The following ZFAND6 variants were observed in gnomAD, a reference collection of about 807,000 sequenced individuals.
The protein encoded by ZFAND6 is zinc finger AN1-type containing 6.
A neutral mutation model predicts 24.5 loss-of-function variants in ZFAND6; 12 were observed. The ratio of observed to expected loss-of-function variants is 0.49; its 90% confidence interval spans 0.31 to 0.79. The LOEUF is 0.79. Ranked by LOEUF, ZFAND6 falls within the 30% of genes least tolerant of loss-of-function variation. ZFAND6 has a pLI of 0.04. For synonymous variants in ZFAND6, 92 were observed against 81.5 expected (o/e 1.13, Z -0.69); for missense variants, 207 against 245.9 (o/e 0.84, Z 1.06).
At chr15:80,136,351 G>A (rs956641635) in intron 6 of ZFAND6, among the ~76,000 whole-genome samples, 13 of 151,986 alleles carry the variant, frequency 8.6e-5, no homozygotes, top group African/African-American at 2.4e-4. Flanking sequence ...TGTAATCCCA[G>A]CTACTCGGGA....
chr15:80,063,245 G>A (rs1038293877), intron 1 of ZFAND6, among the ~76,000 whole-genome samples: 19 of 152,168 alleles, frequency 1.2e-4, no homozygotes, highest in African/African-American at 3.1e-4. Context: ...GTGAAAATAC[G>A]TTTTATGTAA....
chr15:80,066,381 T>G (rs1394443633), intron 1 of ZFAND6, among the ~76,000 whole-genome samples: 1 of 151,752 alleles, frequency 6.6e-6, no homozygotes, highest in Non-Finnish European at 1.5e-5. Flanking sequence ...GGTGTGGTCT[T>G]GGCTCGCTGC....
chr15:80,121,997 C>T (rs888938870), intron 4 of ZFAND6, among the ~76,000 whole-genome samples, 177 bp downstream of exon 4: 1 of 152,072 alleles, frequency 6.6e-6, no homozygotes, highest in Non-Finnish European at 1.5e-5. Context: ...CTTGAGGGAT[C>T]GGGGGTTATC....
chr15:80,061,931 C>T (rs976073553), intron 1 of ZFAND6, among the ~76,000 whole-genome samples: 1 of 152,046 alleles, frequency 6.6e-6, no homozygotes, highest in African/African-American at 2.4e-5. Context: ...GATTCATAGC[C>T]GTAGTGATTG....
chr15:80,135,498 G>A (rs1356124303), intron 6 of ZFAND6, among the ~76,000 whole-genome samples: 2 of 152,242 alleles, frequency 1.3e-5, no homozygotes, highest in Non-Finnish European at 2.9e-5. Context: ...CCATGTGCCA[G>A]GCACTGTGCT....
chr15:80,111,492 A>T (rs1217104413), intron 2 of ZFAND6: 1 of 455,872 alleles, frequency 2.2e-6, no homozygotes, highest in Admixed American at 2.4e-5. Context: ...TAGCCACCTA[A>T]GATAGGAATG....
intron 1 of ZFAND6, among the ~76,000 whole-genome samples, chr15:80,089,734 G>T (rs1325848006): frequency 1.3e-5 from 2 of 152,088 alleles, no homozygotes; most frequent in African/African-American, 4.8e-5. Flanking sequence ...TTTCCACCCA[G>T]TCCGTTTTAG....
chr15:80,117,369 C>T (rs1208464154), intron 2 of ZFAND6, among the ~76,000 whole-genome samples: 1 of 152,092 alleles, frequency 6.6e-6, no homozygotes, highest in Non-Finnish European at 1.5e-5. Context: ...ATTACAGGCT[C>T]CTGCCGCTAT....
intron 1 of ZFAND6, chr15:80,073,379 C>T (rs776973900): frequency 3.6e-6 from 1 of 275,582 alleles, no homozygotes; most frequent in South Asian, 3.0e-5. Context: ...ATTTACATTT[C>T]TTATTTATGA....
At position 80,122,797 on chromosome 15, in the gene ZFAND6, C is replaced by A; in HGVS notation, c.361C>A (p.Gln121Lys). ...DKAVPETEDVQASVSDTAQQP... is the reference protein window; with the variant it reads ...DKAVPETEDVKASVSDTAQQP... ...AGCAGTACCTGAAACAGAAGATGTGCAGGGTTTGTATATGAACTAGCATGT... is the reference window on the plus strand; with the variant it reads ...AGCAGTACCTGAAACAGAAGATGTGAAGGGTTTGTATATGAACTAGCATGT... The change falls in exon 5 of 7, where the codon CAG becomes AAG. Residue 121 changes from glutamine to lysine, a missense_variant. Transcript: ENST00000261749. 6.2e-7 allele frequency: 1 copy of A among 1,609,808 alleles called. No individual in the cohort carries two copies. Among genetic ancestry groups the A allele is most frequent in the Non-Finnish European group, 8.5e-7 (1 of 1,176,408 alleles).
rs1384591937 is a variant in ZFAND6 at position 80,137,491 on chromosome 15, C to T, written c.490C>T (p.Arg164Trp). The T allele has an allele frequency of 2.5e-6, 4 of 1,599,814 alleles. No homozygotes were observed. Among genetic ancestry groups the T allele is most frequent in the South Asian group, 1.1e-5 (1 of 87,434 alleles). Residue 164 changes from arginine (R) to tryptophan (W), a missense_variant, in exon 7 of 7, where the codon CGG becomes TGG. Arg to Trp is a moderately radical substitution (Grantham distance 101). Transcript: ENST00000261749. ...KKVGLTGFEC[R>W]CGNVYCGVHR... Reference sequence around the variant, plus strand: ...TACTCCATTTCCAGGGTTTGAATGCCGGTGTGGAAATGTTTACTGTGGTGT... The same window carrying T: ...TACTCCATTTCCAGGGTTTGAATGCTGGTGTGGAAATGTTTACTGTGGTGT...
intron 1 of ZFAND6, chr15:80,060,224 T>C (rs28759351): frequency 0.62 from 94,671 of 151,742 alleles, 30,149 homozygotes; most frequent in Admixed American, 0.71. Context: ...GGCGCGTCAG[T>C]TCCCCGCCTC....
chr15:80,134,984 A>G (rs185325241), intron 6 of ZFAND6, among the ~76,000 whole-genome samples: 1 of 152,362 alleles, frequency 6.6e-6, no homozygotes, highest in Non-Finnish European at 1.5e-5. Context: ...ACAAAAAAGC[A>G]GAAAAGTCAG....
intron 1 of ZFAND6, among the ~76,000 whole-genome samples, chr15:80,064,057 C>T (rs558277608): frequency 6.6e-5 from 10 of 152,314 alleles, no homozygotes; most frequent in African/African-American, 2.4e-4. Flanking sequence ...ACAGTTCCAT[C>T]TTATAAAAGT....
chr15:80,099,156 A>C (rs1181343556), intron 2 of ZFAND6, among the ~76,000 whole-genome samples: 1 of 152,128 alleles, frequency 6.6e-6, no homozygotes, highest in Non-Finnish European at 1.5e-5. Context: ...AAGTACTTTG[A>C]ATAATAGAAA....
At chr15:80,096,496 A>G (rs188100691) in intron 1 of ZFAND6, among the ~76,000 whole-genome samples, 42 of 152,382 alleles carry the variant, frequency 2.8e-4, no homozygotes, top group Admixed American at 1.7e-3. Context: ...TATGTACCAT[A>G]TAAGTCGATT....
chr15:80,116,048 C>T (rs1477279538), intron 2 of ZFAND6, among the ~76,000 whole-genome samples: 5 of 150,786 alleles, frequency 3.3e-5, no homozygotes, highest in Admixed American at 2.6e-4. Context: ...CCGAGTTCCT[C>T]AGTCTTTTTT....
intron 2 of ZFAND6, 133 bp from the exon 3 acceptor site, chr15:80,120,193 CTA>C (rs1488143087): frequency 1.5e-6 from 1 of 661,922 alleles, no homozygotes; most frequent in African/African-American, 1.9e-5. Context: ...CTTTTTAGCC[CTA>C]TGTCTTGGGA....
intron 6 of ZFAND6, among the ~76,000 whole-genome samples, chr15:80,135,941 TAGTG>T (rs2040840632): frequency 6.6e-6 from 1 of 152,218 alleles, no homozygotes; most frequent in East Asian, 1.9e-4. Flanking sequence ...CTGGACTACA[TAGTG>T]AGACTCAGTC....
Sources: allele counts gnomAD v4.1 joint callset (sites outside exome capture counted in the v4.1 genomes callset), GRCh38; gene constraint gnomAD v4.1.1; transcripts MANE v1.5; gene names NCBI Gene and HGNC (gene_info 2026-07-23, HGNC 2026-07-21).